GUCY1A1: variants seen among roughly 807,000 people sequenced by gnomAD.
GUCY1A1 encodes guanylate cyclase soluble subunit alpha-1.
Under a neutral mutation model 64.5 loss-of-function variants are expected in GUCY1A1, and 48 were observed. That is an observed-to-expected ratio of 0.74 (90% CI 0.59 to 0.95). The LOEUF (loss-of-function observed/expected upper bound fraction) is 0.95, where lower values mean the gene tolerates loss of function less well. GUCY1A1 is among the 40% of genes least tolerant of loss of function. The probability of loss-of-function intolerance (pLI) is 0.00; values close to 1 mark genes in which losing one functional copy is unlikely to be tolerated. For synonymous variants in GUCY1A1, 308 were observed against 303.4 expected (o/e 1.02, Z -0.16); for missense variants, 804 against 825.3 (o/e 0.97, Z 0.32).
intron 9 of GUCY1A1, among the ~76,000 whole-genome samples, chr4:155,723,683 G>C (rs1383989525): frequency 6.7e-6 from 1 of 149,118 alleles, no homozygotes; most frequent in Non-Finnish European, 1.5e-5. Flanking sequence ...TATTTTTTGA[G>C]ACTAAGTCTT....
chr4:155,730,390 G>A lies in GUCY1A1; in HGVS notation c.*159G>A, dbSNP rs1341923494. ...TCCTGTTTAACATGACAAAATGTAT[G>A]TACTCACTTCAGTACTTCAGCTCTT... On this transcript the variant is annotated 3_prime_UTR_variant, in exon 10 of 10. Coordinates refer to ENST00000506455, the MANE Select transcript of GUCY1A1 (RefSeq NM_001130682.3). 6.4e-6 allele frequency: 3 copies of A among 468,426 alleles called. No homozygotes were observed. The highest frequency in any genetic ancestry group is 2.5e-5 in the African/African-American group (1 of 39,240). The allele number at this position is 468,426 out of a possible 1,614,324, so 29.0% of individuals were successfully genotyped here.
chr4:155,691,142 G>C (rs1470863788), intron 2 of GUCY1A1, among the ~76,000 whole-genome samples: 1 of 152,148 alleles, frequency 6.6e-6, no homozygotes, highest in African/African-American at 2.4e-5. Context: ...AGATGGTTTT[G>C]AACTTAAGAA....
intron 7 of GUCY1A1, 121 bp from the exon 8 acceptor site, chr4:155,717,038 T>A: frequency 1.5e-6 from 1 of 677,264 alleles, no homozygotes; most frequent in Non-Finnish European, 2.4e-6. Flanking sequence ...TGATTAACCC[T>A]GATCCTCCAG....
chr4:155,689,256 A>G (rs1378643197), intron 2 of GUCY1A1, among the ~76,000 whole-genome samples: 1 of 152,096 alleles, frequency 6.6e-6, no homozygotes, highest in Admixed American at 6.6e-5. Flanking sequence ...AGTATATTTT[A>G]AAGTGACTAA....
intron 8 of GUCY1A1, among the ~76,000 whole-genome samples, chr4:155,720,311 T>C (rs1375916235): frequency 6.6e-6 from 1 of 151,852 alleles, no homozygotes; most frequent in East Asian, 1.9e-4. Context: ...AAGTCATAGT[T>C]GATATTTATG....
At chr4:155,676,940 G>A (rs1735029657) in intron 2 of GUCY1A1, among the ~76,000 whole-genome samples, 1 of 151,434 alleles carries the variant, frequency 6.6e-6, no homozygotes, top group African/African-American at 2.5e-5. Context: ...CCAATGTACT[G>A]TACAGGGGCA....
At chr4:155,685,724 T>C (rs1424462491) in intron 2 of GUCY1A1, among the ~76,000 whole-genome samples, 1 of 152,006 alleles carries the variant, frequency 6.6e-6, no homozygotes, top group East Asian at 1.9e-4. Flanking sequence ...TGCATAGATG[T>C]CTTAATTTTT....
At chr4:155,679,437 G>A (rs1579006950) in intron 2 of GUCY1A1, among the ~76,000 whole-genome samples, 1 of 152,334 alleles carries the variant, frequency 6.6e-6, no homozygotes, top group East Asian at 1.9e-4. Context: ...GAGAGCATGA[G>A]GCTGCTTCCA....
At chr4:155,667,220 CG>C (rs935816243) in intron 1 of GUCY1A1, 125 bp from the exon 2 acceptor site, 2 of 152,010 alleles carry the variant, frequency 1.3e-5, no homozygotes, top group African/African-American at 4.8e-5. Flanking sequence ...GCGACCCAAG[CG>C]TAAGTGCCGC....
chr4:155,706,438 C>G (rs1201600032), intron 4 of GUCY1A1, among the ~76,000 whole-genome samples: 1 of 152,044 alleles, frequency 6.6e-6, no homozygotes, highest in Admixed American at 6.6e-5. Context: ...GCTGCTTATT[C>G]TCTTCTACGA....
chr4:155,724,982 G>A (rs1268690364), intron 9 of GUCY1A1, among the ~76,000 whole-genome samples: 1 of 152,000 alleles, frequency 6.6e-6, no homozygotes, highest in African/African-American at 2.4e-5. Flanking sequence ...TAGTTACTCA[G>A]ACCATCGACC....
intron 4 of GUCY1A1, among the ~76,000 whole-genome samples, chr4:155,706,291 G>A (rs1440750334): frequency 6.6e-6 from 1 of 152,098 alleles, no homozygotes; most frequent in African/African-American, 2.4e-5. Context: ...TATGTTAAGT[G>A]GTTCCTCTGT....
intron 6 of GUCY1A1, among the ~76,000 whole-genome samples, chr4:155,711,603 C>G (rs184126359): frequency 1.3e-5 from 2 of 152,194 alleles, no homozygotes; most frequent in Admixed American, 6.5e-5. Flanking sequence ...AAACAAAAGT[C>G]ACTTGTTTCT....
chr4:155,701,501 A>T (rs961100051), intron 3 of GUCY1A1, among the ~76,000 whole-genome samples: 7 of 152,172 alleles, frequency 4.6e-5, no homozygotes, highest in Non-Finnish European at 7.3e-5. Context: ...AAACATCTTG[A>T]CTAAAAAGGT....
At chr4:155,729,722 A>G (rs1735285841) in intron 9 of GUCY1A1, among the ~76,000 whole-genome samples, 1 of 151,888 alleles carries the variant, frequency 6.6e-6, no homozygotes, top group South Asian at 2.1e-4. Context: ...CTTTGCTACT[A>G]TTAAATCTTT....
At chr4:155,713,025 C>T in intron 6 of GUCY1A1, 73 bp from the exon 7 acceptor site, 1 of 1,290,574 alleles carries the variant, frequency 7.7e-7, no homozygotes, top group South Asian at 1.4e-5. Flanking sequence ...ACTGTATCTA[C>T]TTCCCCTTCT....
intron 8 of GUCY1A1, among the ~76,000 whole-genome samples, chr4:155,721,118 T>A (rs6838956): frequency 0.4 from 60,250 of 151,810 alleles, 12,177 homozygotes; most frequent in African/African-American, 0.47. Context: ...TTAAAACTTA[T>A]CCAGGTGTGA....
intron 6 of GUCY1A1, among the ~76,000 whole-genome samples, chr4:155,712,705 AG>A (rs1168850824): frequency 6.6e-6 from 1 of 152,176 alleles, no homozygotes; most frequent in Non-Finnish European, 1.5e-5. Context: ...AAAAAGTAAG[AG>A]GGAGGGAAGA....
At chr4:155,714,868 C>T (rs1036033950) in intron 7 of GUCY1A1, among the ~76,000 whole-genome samples, 3 of 152,116 alleles carry the variant, frequency 2.0e-5, no homozygotes, top group Non-Finnish European at 2.9e-5. Flanking sequence ...TTGATGGCCT[C>T]TTGTGGAATT....
Sources: allele counts gnomAD v4.1 joint callset (sites outside exome capture counted in the v4.1 genomes callset), GRCh38; gene constraint gnomAD v4.1.1; transcripts MANE v1.5; gene names NCBI Gene and HGNC (gene_info 2026-07-23, HGNC 2026-07-21).